The following VPS13B variants were observed in gnomAD, a reference collection of about 807,000 sequenced individuals.
VPS13B encodes the protein intermembrane lipid transfer protein VPS13B.
Under a neutral mutation model 426.4 loss-of-function variants are expected in VPS13B, and 285 were observed. The observed-to-expected ratio is 0.67, with a 90% CI of 0.61 to 0.74. VPS13B has a LOEUF of 0.74. Among genes scored for constraint, VPS13B ranks in the 30% least tolerant of loss-of-function variants. VPS13B has a pLI of 0.00. For synonymous variants in VPS13B, 1,676 were observed against 1,676.4 expected, an observed-to-expected ratio of 1.00 and a Z score of 0.01; for missense variants, 4,537 against 4,782.6, an observed-to-expected ratio of 0.95 and a Z score of 1.51.
At chr8:99,770,604 C>T (rs4734439) in intron 40 of VPS13B, among the ~76,000 whole-genome samples, 7,002 of 152,136 alleles carry the variant, frequency 0.046, 170 homozygotes, top group African/African-American at 0.061. Flanking sequence ...TCTAACTCAG[C>T]GAGGATGTTT....
At chr8:99,874,266 C>A (rs780487280) in intron 61 of VPS13B, among the ~76,000 whole-genome samples, 2 of 152,128 alleles carry the variant, frequency 1.3e-5, no homozygotes, top group African/African-American at 4.8e-5. Flanking sequence ...TGAATTCTGG[C>A]CCCATCAAAT....
chr8:99,255,745 C>T (rs541330584), intron 17 of VPS13B, among the ~76,000 whole-genome samples: 182 of 152,210 alleles, frequency 1.2e-3, no homozygotes, highest in Middle Eastern at 3.4e-3. Flanking sequence ...GAGGCCTCCC[C>T]TGATGTCATG....
intron 19 of VPS13B, among the ~76,000 whole-genome samples, chr8:99,312,819 T>A (rs1477828828): frequency 6.6e-6 from 1 of 152,238 alleles, no homozygotes; most frequent in Non-Finnish European, 1.5e-5. Flanking sequence ...CAGACATAGA[T>A]TTGGTCTTTT....
At chr8:99,288,988 G>T (rs1254974724) in intron 19 of VPS13B, among the ~76,000 whole-genome samples, 1 of 151,506 alleles carries the variant, frequency 6.6e-6, no homozygotes, top group African/African-American at 2.4e-5. Flanking sequence ...CTTGAGTCCA[G>T]GAGTTTGAGA....
intron 43 of VPS13B, among the ~76,000 whole-genome samples, chr8:99,795,409 C>A (rs1291800697): frequency 6.6e-6 from 1 of 152,162 alleles, no homozygotes; most frequent in Non-Finnish European, 1.5e-5. Context: ...TCACTAACAG[C>A]CTTCTCAAGT....
rs913526193 is a variant in VPS13B, at chr8:99,209,072, A to G, written c.2515+16015A>G. Among the ~76,000 whole-genome samples, 3 of 152,136 alleles carry G rather than the reference A, an allele frequency of 2.0e-5. No homozygotes were observed. The South Asian group carries it at 6.2e-4, about 32-fold the overall frequency. On this transcript the variant is annotated intron_variant, in intron 17 of 61. Coordinates refer to ENST00000357162, the MANE Select transcript of VPS13B (RefSeq NM_152564.5). ...GAGGTGGGCAGATCACAAGGTTGAG[A>G]GATCGAGACCATCCTGGCCAACATG...
intron 19 of VPS13B, among the ~76,000 whole-genome samples, chr8:99,335,838 C>T (rs1810824208): frequency 6.6e-6 from 1 of 152,130 alleles, no homozygotes; most frequent in Non-Finnish European, 1.5e-5. Flanking sequence ...AGGAGAACTA[C>T]AAACCACTGC....
intron 34 of VPS13B, among the ~76,000 whole-genome samples, chr8:99,645,078 G>A (rs1400920319): frequency 6.6e-6 from 1 of 152,032 alleles, no homozygotes; most frequent in Non-Finnish European, 1.5e-5. Context: ...AACCTCTATG[G>A]GTCCCCTGAA....
At chr8:99,873,204 T>G (rs1196072856) in intron 61 of VPS13B, 3 of 152,210 alleles carry the variant, frequency 2.0e-5, no homozygotes, top group African/African-American at 4.8e-5. Flanking sequence ...CTATTAAGAC[T>G]GCAGATTTCT....
chr8:99,699,445 G>T lies in VPS13B; in HGVS notation c.6047-80G>T, dbSNP rs879096469. 1.5e-5 allele frequency: 23 copies of T among 1,497,898 alleles called. No homozygotes were observed. The South Asian group carries it at 2.6e-4, about 17-fold the overall frequency. The allele number at this position is 1,497,898 out of a possible 1,614,324, so 92.8% of individuals were successfully genotyped here. On this transcript the variant is annotated intron_variant, in intron 35 of 61. Coordinates refer to ENST00000357162, the MANE Select transcript of VPS13B (RefSeq NM_152564.5). Reference sequence around the variant, plus strand: ...AATATGGATCTTGGGACACTTTTATGTAGGAGCTTGTCAGAGAAGTAAAGG... The same window carrying T: ...AATATGGATCTTGGGACACTTTTATTTAGGAGCTTGTCAGAGAAGTAAAGG...
At chr8:99,256,381 G>A (rs916013405) in intron 17 of VPS13B, among the ~76,000 whole-genome samples, 1 of 152,092 alleles carries the variant, frequency 6.6e-6, no homozygotes, top group Non-Finnish European at 1.5e-5. Context: ...ATATCTTTTT[G>A]AAACTCTGTT....
In VPS13B at chr8:99,046,258, C is replaced by T. The variant is rs532791774; in HGVS notation, c.291+7692C>T. ...TTTTCCTTGTAGAGGTCTTTCACCT[C>T]CTTGGTTAGGTATATTCCTAAGTAT... On this transcript the variant is annotated intron_variant, in intron 3 of 61. Coordinates refer to ENST00000357162, the MANE Select transcript of VPS13B (RefSeq NM_152564.5). 2.0e-5 allele frequency among the ~76,000 whole-genome samples: 3 copies of T among 152,242 alleles called. No individual in the cohort carries two copies. The South Asian group carries it at 6.2e-4, about 32-fold the overall frequency.
intron 3 of VPS13B, 71 bp from the exon 4 acceptor site, chr8:99,096,241 T>G (rs1846408770): frequency 1.3e-6 from 2 of 1,577,712 alleles, no homozygotes; most frequent in South Asian, 2.3e-5. Context: ...CTGCATATAT[T>G]AAAAAATTTT....
intron 39 of VPS13B, among the ~76,000 whole-genome samples, chr8:99,756,490 A>G (rs371400528): frequency 1.3e-5 from 2 of 152,218 alleles, no homozygotes; most frequent in South Asian, 4.1e-4. Context: ...ATTTATCTAC[A>G]TCTAAGAAGC....
chr8:99,135,251 A>G (rs1027430208), intron 10 of VPS13B, 114 bp downstream of exon 10: 57 of 1,438,776 alleles, frequency 4.0e-5, no homozygotes, highest in Non-Finnish European at 4.8e-5. Context: ...GGCTTGAGAG[A>G]GGAGCTTTAC....
At chr8:99,718,029 T>G (rs1309687682) in intron 37 of VPS13B, among the ~76,000 whole-genome samples, 1 of 152,136 alleles carries the variant, frequency 6.6e-6, no homozygotes, top group South Asian at 2.1e-4. Context: ...TGATTTCTCT[T>G]AGATATATAA....
intron 3 of VPS13B, among the ~76,000 whole-genome samples, chr8:99,083,511 G>C (rs924262953): frequency 3.3e-5 from 5 of 150,028 alleles, no homozygotes; most frequent in African/African-American, 2.5e-5. Flanking sequence ...GGAGTGGTGA[G>C]AGAGGGCATC....
rs1457005395 is a variant in VPS13B, at chr8:99,829,401, G to C, written c.9331-2968G>C. The stretch of plus-strand genomic sequence containing the variant: ...CTGATCAATTCGGCTATTGATACTT[G>C]TGTATGCTTCTCAAAGTTCTCGTAC... On this transcript the variant is annotated intron_variant, in intron 51 of 61. Coordinates refer to ENST00000357162, the MANE Select transcript of VPS13B (RefSeq NM_152564.5). Among the ~76,000 whole-genome samples the C allele has an allele frequency of 2.6e-5, 4 of 152,068 alleles. No homozygotes were observed. The East Asian group carries it at 7.7e-4, about 29-fold the overall frequency.
intron 37 of VPS13B, among the ~76,000 whole-genome samples, chr8:99,717,971 A>T (rs1257539175): frequency 6.6e-6 from 1 of 152,178 alleles, no homozygotes; most frequent in Non-Finnish European, 1.5e-5. Context: ...GCTATGAATA[A>T]TGCTGCCATG....
Sources: gnomAD v4.1 joint callset for allele counts (sites outside exome capture counted in the v4.1 genomes callset) on GRCh38, gnomAD v4.1.1 for gene constraint, MANE v1.5 for transcripts, NCBI Gene and HGNC (gene_info 2026-07-23, HGNC 2026-07-21) for gene names.